POU6F2: variants seen among roughly 807,000 people sequenced by gnomAD.
POU6F2 encodes the protein POU domain, class 6, transcription factor 2.
Under a neutral mutation model 71.3 loss-of-function variants are expected in POU6F2, and 31 were observed. The observed-to-expected ratio is 0.43, with a 90% CI of 0.33 to 0.59. The LOEUF is 0.59. Ranked by LOEUF, POU6F2 falls within the 20% of genes least tolerant of loss-of-function variation. The pLI, the probability that POU6F2 is intolerant of heterozygous loss-of-function variation, is 0.04. For missense variants in POU6F2, 783 were observed against 856.8 expected, an observed-to-expected ratio of 0.91 and a Z score of 1.07; for synonymous variants, 347 against 355.7, an observed-to-expected ratio of 0.98 and a Z score of 0.27.
chr7:39,176,612 T>C (rs141873433), intron 2 of POU6F2, among the ~76,000 whole-genome samples: 67 of 152,328 alleles, frequency 4.4e-4, no homozygotes, highest in African/African-American at 1.4e-3. Flanking sequence ...GCTGCTCTAC[T>C]GATCATAACT....
intron 1 of POU6F2, among the ~76,000 whole-genome samples, chr7:39,067,923 AG>A (rs1328202654): frequency 1.3e-5 from 2 of 152,208 alleles, no homozygotes; most frequent in Non-Finnish European, 2.9e-5. Flanking sequence ...TACAAAAGAG[AG>A]GCTTTCTCAT....
intron 2 of POU6F2, chr7:39,120,908 C>A (rs964579377): frequency 1.3e-5 from 2 of 152,136 alleles, no homozygotes; most frequent in African/African-American, 4.8e-5. Context: ...AATTGGTAAG[C>A]CAGCAGTATT....
chr7:39,225,599 G>A (rs1301809000), intron 4 of POU6F2, among the ~76,000 whole-genome samples: 1 of 151,990 alleles, frequency 6.6e-6, no homozygotes, highest in East Asian at 1.9e-4. Flanking sequence ...CCCACCAAAG[G>A]GAAACATGGA....
intron 5 of POU6F2, among the ~76,000 whole-genome samples, chr7:39,345,948 T>G (rs989085463): frequency 6.6e-6 from 1 of 152,244 alleles, no homozygotes; most frequent in African/African-American, 2.4e-5. Context: ...GAGGGCTTCA[T>G]TCATGATTCA....
chr7:39,342,098 G>A (rs910309049), intron 5 of POU6F2, among the ~76,000 whole-genome samples: 1 of 152,082 alleles, frequency 6.6e-6, no homozygotes, highest in Admixed American at 6.6e-5. Flanking sequence ...AAATATAGAG[G>A]AGCTGTTACT....
chr7:39,395,514 T>TA (rs1251403603), intron 5 of POU6F2, among the ~76,000 whole-genome samples: 1 of 152,142 alleles, frequency 6.6e-6, no homozygotes, highest in Non-Finnish European at 1.5e-5. Flanking sequence ...GCCCTTCTCT[T>TA]AAAGCATTGG....
At chr7:39,105,249 C>G (rs1352725388) in intron 2 of POU6F2, among the ~76,000 whole-genome samples, 2 of 152,072 alleles carry the variant, frequency 1.3e-5, no homozygotes, top group African/African-American at 4.8e-5. Flanking sequence ...TATAATAAAC[C>G]ATTTCCAACT....
At chr7:39,364,260 CTTT>C (rs112590056) in intron 5 of POU6F2, among the ~76,000 whole-genome samples, 3 of 143,888 alleles carry the variant, frequency 2.1e-5, no homozygotes, top group Admixed American at 6.9e-5. Flanking sequence ...TCTCTATTCT[CTTT>C]TTTTTTTTTT....
intron 2 of POU6F2, among the ~76,000 whole-genome samples, chr7:39,192,141 G>A (rs980886805): frequency 6.6e-6 from 1 of 152,200 alleles, no homozygotes; most frequent in Non-Finnish European, 1.5e-5. Context: ...ATTACCATAA[G>A]GGTTTGCTAA....
intron 2 of POU6F2, among the ~76,000 whole-genome samples, chr7:39,117,044 T>C (rs1341343467): frequency 6.6e-6 from 1 of 152,180 alleles, no homozygotes; most frequent in Non-Finnish European, 1.5e-5. Flanking sequence ...AGGTGAATTA[T>C]AGCCAGAGGG....
intron 2 of POU6F2, among the ~76,000 whole-genome samples, chr7:39,150,620 C>G (rs924407726): frequency 6.6e-6 from 1 of 151,762 alleles, no homozygotes; most frequent in Non-Finnish European, 1.5e-5. Flanking sequence ...GCGCCCACCA[C>G]CATGCCTGGC....
intron 2 of POU6F2, among the ~76,000 whole-genome samples, chr7:39,092,996 A>T (rs947834848): frequency 6.6e-6 from 1 of 152,152 alleles, no homozygotes; most frequent in Non-Finnish European, 1.5e-5. Flanking sequence ...CTTCCACTTT[A>T]AAAAATTTCC....
intron 2 of POU6F2, among the ~76,000 whole-genome samples, chr7:39,131,096 G>A (rs1250877981): frequency 6.6e-6 from 1 of 152,148 alleles, no homozygotes; most frequent in Non-Finnish European, 1.5e-5. Context: ...TAGGGCCACC[G>A]TTTCTCATTT....
chr7:38,987,751 G>A (rs550216794), intron 1 of POU6F2, among the ~76,000 whole-genome samples: 9 of 152,130 alleles, frequency 5.9e-5, no homozygotes, highest in South Asian at 4.1e-4. Context: ...GTCTCTGCTC[G>A]TTCTCTTTAA....
At chr7:39,239,311 C>T (rs1195327617) in intron 4 of POU6F2, among the ~76,000 whole-genome samples, 1 of 148,346 alleles carries the variant, frequency 6.7e-6, no homozygotes, top group African/African-American at 2.6e-5. Flanking sequence ...TTTAAATTTC[C>T]TTATCTACAA....
rs566370403 is a variant in POU6F2 at position 39,193,218 on chromosome 7, C to T, written c.278-11017C>T. Reference sequence around the variant, plus strand: ...ATTAACATTTTTTTAAAGACGATTGCGGGGGGTGCTTATTTCTTAGGAATT... The same window carrying T: ...ATTAACATTTTTTTAAAGACGATTGTGGGGGGTGCTTATTTCTTAGGAATT... On this transcript the variant is annotated intron_variant, in intron 2 of 9. Transcript: ENST00000518318. Among the ~76,000 whole-genome samples the T allele has an allele frequency of 4.6e-5, 7 of 151,962 alleles. No homozygotes were observed. The South Asian group carries it at 1.2e-3, about 27-fold the overall frequency.
intron 2 of POU6F2, among the ~76,000 whole-genome samples, chr7:39,108,728 G>C (rs574174417): frequency 2.6e-4 from 39 of 152,258 alleles, no homozygotes; most frequent in African/African-American, 8.7e-4. Flanking sequence ...ACAGATTCTA[G>C]TTTTAATGTT....
intron 2 of POU6F2, among the ~76,000 whole-genome samples, chr7:39,107,526 C>A (rs1239509087): frequency 6.6e-6 from 1 of 151,994 alleles, no homozygotes; most frequent in Non-Finnish European, 1.5e-5. Flanking sequence ...TTTGTTTATA[C>A]GTGGCAGAAT....
At chr7:39,337,611 G>C (rs1175222256) in intron 4 of POU6F2, among the ~76,000 whole-genome samples, 1 of 152,054 alleles carries the variant, frequency 6.6e-6, no homozygotes, top group Admixed American at 6.6e-5. Context: ...TTTACACAAT[G>C]AGCCACTTCG....
Sources: allele counts gnomAD v4.1 joint callset (sites outside exome capture counted in the v4.1 genomes callset), GRCh38; gene constraint gnomAD v4.1.1; transcripts MANE v1.5; gene names NCBI Gene and HGNC (gene_info 2026-07-23, HGNC 2026-07-21).